Variants in SV2C observed in about 807,000 individuals in gnomAD.
SV2C encodes solute carrier family 22 member B3.
SV2C carries 49 observed loss-of-function variants against 79.7 expected under a neutral mutation model. That is an observed-to-expected ratio of 0.61 (90% CI 0.49 to 0.78). The LOEUF is 0.78. Among genes scored for constraint, SV2C ranks in the 30% least tolerant of loss-of-function variants. The pLI, the probability that SV2C is intolerant of heterozygous loss-of-function variation, is 0.00. For synonymous variants in SV2C, 334 were observed against 333.2 expected (o/e 1.00, Z -0.03); for missense variants, 833 against 912.9 (o/e 0.91, Z 1.13).
At chr5:75,927,085 T>G in the SV2C span, among the ~76,000 whole-genome samples, 1 of 152,092 alleles carries the variant, frequency 6.6e-6, no homozygotes, top group East Asian at 1.9e-4. Context: ...TGTATGAGAT[T>G]ATGTGTAATG....
At chr5:76,033,764 G>A in the SV2C span, among the ~76,000 whole-genome samples, 1 of 152,210 alleles carries the variant, frequency 6.6e-6, no homozygotes, top group South Asian at 2.1e-4. Flanking sequence ...CTTTCAAGTA[G>A]TTTTTTCCAA....
At chr5:75,968,156 C>T in the SV2C span, among the ~76,000 whole-genome samples, 1 of 152,090 alleles carries the variant, frequency 6.6e-6, no homozygotes, top group Non-Finnish European at 1.5e-5. Flanking sequence ...GACATCCACA[C>T]CAAAAACCCA....
the SV2C span, among the ~76,000 whole-genome samples, chr5:75,938,522 G>A: frequency 6.6e-6 from 1 of 152,136 alleles, no homozygotes; most frequent in Admixed American, 6.5e-5. Context: ...ATCTTAAAAT[G>A]TTGAGCTAAA....
At chr5:76,165,601 A>G (rs547106620) in intron 2 of SV2C, among the ~76,000 whole-genome samples, 1 of 149,942 alleles carries the variant, frequency 6.7e-6, no homozygotes, top group South Asian at 2.2e-4. Context: ...ATGTTGTCTG[A>G]AACCTTTTGA....
intron 4 of SV2C, among the ~76,000 whole-genome samples, chr5:76,274,389 A>G (rs979439352): frequency 6.6e-6 from 1 of 152,150 alleles, no homozygotes; most frequent in African/African-American, 2.4e-5. Context: ...CACTTTAAAT[A>G]GTTTAGTGGG....
At chr5:75,850,640 A>T in the SV2C span, among the ~76,000 whole-genome samples, 20 of 39,788 alleles carry the variant, frequency 5.0e-4, no homozygotes, top group East Asian at 0.025. Flanking sequence ...AGTATAATAA[A>T]AAAAAAAGCA....
chr5:76,026,874 G>A, the SV2C span, among the ~76,000 whole-genome samples: 3 of 152,034 alleles, frequency 2.0e-5, no homozygotes, highest in Non-Finnish European at 2.9e-5. Flanking sequence ...GGATGGAGGT[G>A]GATGAGGTGC....
chr5:76,079,253 C>CT, upstream of SV2C: 1 of 324,058 alleles, frequency 3.1e-6, no homozygotes, highest in South Asian at 3.8e-5. Flanking sequence ...AGAGGTACTG[C>CT]TTCTCAGAGG....
rs778873741 is a variant in SV2C at position 76,291,259 on chromosome 5, GATTGAA to G, written c.1182_1187del (p.Ile395_Glu396del). 6.2e-7 allele frequency: 1 copy of G among 1,613,228 alleles called. No homozygotes were observed. The highest frequency in any genetic ancestry group is 1.1e-5 in the South Asian group (1 of 90,974). On this transcript the variant is annotated inframe_deletion, in exon 7 of 13. Coordinates refer to ENST00000502798, the MANE Select transcript of SV2C (RefSeq NM_014979.4). ...AAACTCCTAAACAAATAGATGAGCT[GATTGAA>G]ATTGAGAGTGACACAGGAACATGGT... is the stretch of plus-strand genomic sequence containing the variant.
chr5:75,896,159 C>A, the SV2C span, among the ~76,000 whole-genome samples: 1 of 151,516 alleles, frequency 6.6e-6, no homozygotes. Context: ...GTGTGCTGCA[C>A]CCATTAACTT....
chr5:76,316,294 G>A (rs1748614249), intron 12 of SV2C, among the ~76,000 whole-genome samples: 1 of 152,164 alleles, frequency 6.6e-6, no homozygotes, highest in African/African-American at 2.4e-5. Context: ...TTCAAAGAAT[G>A]CAGACATCCC....
chr5:76,073,503 G>GTGTGTA, the SV2C span, among the ~76,000 whole-genome samples: 18 of 67,444 alleles, frequency 2.7e-4, no homozygotes, highest in African/African-American at 7.3e-4. Flanking sequence ...GTATGTGTGT[G>GTGTGTA]TATATATATA....
the SV2C span, among the ~76,000 whole-genome samples, chr5:76,036,944 C>A: frequency 1.3e-5 from 2 of 152,142 alleles, no homozygotes; most frequent in African/African-American, 4.8e-5. Flanking sequence ...TTGCTCGTTT[C>A]TTTTTATTCT....
the SV2C span, among the ~76,000 whole-genome samples, chr5:75,975,946 A>T: frequency 6.6e-6 from 1 of 152,210 alleles, no homozygotes; most frequent in African/African-American, 2.4e-5. Flanking sequence ...GTTTTGTATC[A>T]TTAGCTATAA....
chr5:76,061,849 A>C, the SV2C span, among the ~76,000 whole-genome samples: 1 of 152,186 alleles, frequency 6.6e-6, no homozygotes, highest in South Asian at 2.1e-4. Context: ...GTAAATGTAC[A>C]TGAAGATAAT....
At chr5:76,083,546 G>A (rs953389435) in intron 1 of SV2C, 34 bp downstream of exon 1, 5 of 152,394 alleles carry the variant, frequency 3.3e-5, no homozygotes, top group African/African-American at 4.8e-5. Flanking sequence ...CATCCGCGGG[G>A]AGACTTTCCC....
At chr5:75,959,256 G>A in the SV2C span, among the ~76,000 whole-genome samples, 1 of 151,906 alleles carries the variant, frequency 6.6e-6, no homozygotes, top group Non-Finnish European at 1.5e-5. Flanking sequence ...GGGGCAGACT[G>A]TCCTAGGAGA....
chr5:76,306,244 T>TG (rs1311770411), intron 12 of SV2C, among the ~76,000 whole-genome samples: 1 of 152,066 alleles, frequency 6.6e-6, no homozygotes, highest in Non-Finnish European at 1.5e-5. Context: ...TTTTAAGAGA[T>TG]GGGGTCTCAC....
At chr5:76,090,993 T>C (rs1747357585) in intron 1 of SV2C, among the ~76,000 whole-genome samples, 1 of 152,338 alleles carries the variant, frequency 6.6e-6, no homozygotes, top group East Asian at 1.9e-4. Context: ...TTAATATCAC[T>C]TTTTAGTAGT....
Sources: allele counts gnomAD v4.1 joint callset (sites outside exome capture counted in the v4.1 genomes callset), GRCh38; gene constraint gnomAD v4.1.1; transcripts MANE v1.5; gene names NCBI Gene and HGNC (gene_info 2026-07-23, HGNC 2026-07-21).